UBASH3B: variants seen among roughly 807,000 people sequenced by gnomAD.
UBASH3B encodes the protein ubiquitin-associated and SH3 domain-containing protein B.
In UBASH3B, 37 loss-of-function variants were observed where a neutral mutation model predicts 83.4. The observed-to-expected ratio is 0.44, with a 90% CI of 0.34 to 0.58. The LOEUF (loss-of-function observed/expected upper bound fraction) is 0.58. Ranked by LOEUF, UBASH3B falls within the 20% of genes least tolerant of loss-of-function variation. UBASH3B has a pLI of 0.01. For synonymous variants in UBASH3B, 304 were observed against 318.3 expected, an observed-to-expected ratio of 0.96 and a Z score of 0.48; for missense variants, 657 against 827.2, an observed-to-expected ratio of 0.79 and a Z score of 2.52.
At chr11:122,675,516 A>G (rs1007137764) in intron 1 of UBASH3B, among the ~76,000 whole-genome samples, 6 of 152,214 alleles carry the variant, frequency 3.9e-5, no homozygotes, top group African/African-American at 1.4e-4. Context: ...ACCATGTGGC[A>G]TCATGAAATC....
intron 1 of UBASH3B, among the ~76,000 whole-genome samples, chr11:122,674,481 C>T (rs577948049): frequency 2.7e-5 from 4 of 150,492 alleles, no homozygotes; most frequent in South Asian, 2.1e-4. Flanking sequence ...CCCCGGTTCA[C>T]GCCATTCTCC....
Position 122,806,778 on chromosome 11 carries a change from G to A in UBASH3B, c.1702+262G>A, listed in dbSNP as rs1861347117. On this transcript the variant is annotated intron_variant, in intron 12 of 13. Transcript: ENST00000284273. This position sits in a 1 kb window ranked among gnomAD's most constrained non-coding sequence, Gnocchi z 4.0. ...TATAGCTATTCTTCTTGCACCCTGT[G>A]AAAGAGATTCCCTCTTATAATTTCC... Among the ~76,000 whole-genome samples, 1 of 152,130 alleles carries A rather than the reference G, an allele frequency of 6.6e-6. No homozygotes were observed. The highest frequency in any genetic ancestry group is 1.9e-4 in the East Asian group (1 of 5,192).
At chr11:122,783,941 C>CTT (rs35464960) in intron 5 of UBASH3B, among the ~76,000 whole-genome samples, 2 of 142,376 alleles carry the variant, frequency 1.4e-5, no homozygotes, top group Non-Finnish European at 3.1e-5. Context: ...ATAATATTGC[C>CTT]TTTTTTTTTT....
chr11:122,776,907 CTT>C, intron 2 of UBASH3B, 115 bp from the exon 3 acceptor site: 1 of 926,094 alleles, frequency 1.1e-6, no homozygotes, highest in East Asian at 2.9e-5. Flanking sequence ...AATGAAAACC[CTT>C]CCCCGCGCTG....
In UBASH3B at chr11:122,730,461, C is replaced by T. The variant is rs572708658; in HGVS notation, c.162-45758C>T. ...TTGCCAGACCATCTCTGTTTCAGGT[C>T]AGCCTCCTCAGACACCCAGAGAGGC... On this transcript the variant is annotated intron_variant, in intron 1 of 13. Coordinates refer to ENST00000284273, the MANE Select transcript of UBASH3B (RefSeq NM_032873.5). 2.3e-3 allele frequency among the ~76,000 whole-genome samples: 356 copies of T among 152,298 alleles called. 4 individuals carry two copies. The highest frequency in any genetic ancestry group is 0.022 in the South Asian group (105 of 4,828).
intron 1 of UBASH3B, among the ~76,000 whole-genome samples, chr11:122,695,076 G>C (rs945012445): frequency 1.4e-5 from 2 of 138,686 alleles, no homozygotes; most frequent in African/African-American, 5.4e-5. Flanking sequence ...CGATTCTCCT[G>C]TCTCAGCCTC....
chr11:122,676,891 CG>C (rs1270487865), intron 1 of UBASH3B, among the ~76,000 whole-genome samples: 1 of 152,180 alleles, frequency 6.6e-6, no homozygotes, highest in African/African-American at 2.4e-5. Context: ...TTATGAAAGC[CG>C]CCTTTATCAC....
intron 3 of UBASH3B, among the ~76,000 whole-genome samples, chr11:122,777,974 C>T (rs1342119845): frequency 6.6e-6 from 1 of 152,104 alleles, no homozygotes. Context: ...AAGTGATCCG[C>T]CCACCTCAGC....
chr11:122,717,750 T>C (rs1481304494), intron 1 of UBASH3B, among the ~76,000 whole-genome samples: 1 of 152,152 alleles, frequency 6.6e-6, no homozygotes, highest in Non-Finnish European at 1.5e-5. Flanking sequence ...GTGGCAGTTC[T>C]ATAACTCTGA....
intron 1 of UBASH3B, among the ~76,000 whole-genome samples, chr11:122,683,772 TGTGTGA>T (rs201349140): frequency 0.34 from 23,225 of 67,940 alleles, 2,173 homozygotes; most frequent in Non-Finnish European, 0.46. Flanking sequence ...TGTGTGTGTG[TGTGTGA>T]GCCAGGTTTC....
At chr11:122,739,668 C>T (rs1244298902) in intron 1 of UBASH3B, among the ~76,000 whole-genome samples, 2 of 152,194 alleles carry the variant, frequency 1.3e-5, no homozygotes, top group East Asian at 3.8e-4. Context: ...TGAAAAGTTT[C>T]CTTCCAAGTG....
intron 1 of UBASH3B, among the ~76,000 whole-genome samples, chr11:122,764,550 T>C (rs981955927): frequency 4.6e-5 from 7 of 152,242 alleles, no homozygotes; most frequent in African/African-American, 1.7e-4. Flanking sequence ...TTCCCCTCCT[T>C]GGCTTGCGCA....
chr11:122,664,244 A>G (rs969861997), intron 1 of UBASH3B, among the ~76,000 whole-genome samples: 16 of 152,178 alleles, frequency 1.1e-4, no homozygotes, highest in African/African-American at 3.9e-4. Flanking sequence ...GCTGCTGACT[A>G]TAATAAATGG....
intron 1 of UBASH3B, among the ~76,000 whole-genome samples, chr11:122,737,746 G>A (rs1361582785): frequency 6.6e-6 from 1 of 151,904 alleles, no homozygotes; most frequent in Non-Finnish European, 1.5e-5. Flanking sequence ...GAGGTTTAGT[G>A]CAAGCAAGAT....
rs1281855420 is a variant in UBASH3B at position 122,797,048 on chromosome 11, G to A, written c.1357+15G>A. 9 of 1,585,086 alleles carry A rather than the reference G, an allele frequency of 5.7e-6. No homozygotes were observed. The East Asian group carries it at 9.1e-5, about 16-fold the overall frequency. On this transcript the variant is annotated intron_variant, in intron 9 of 13. Coordinates refer to ENST00000284273, the MANE Select transcript of UBASH3B (RefSeq NM_032873.5). ...AAGACTAGTGGGTAAGTATCCTGGA[G>A]TGACTGCACTCCAGGCATTTCTTGC...
intron 11 of UBASH3B, among the ~76,000 whole-genome samples, chr11:122,802,471 T>C (rs1016836974): frequency 6.6e-6 from 1 of 152,172 alleles, no homozygotes; most frequent in Admixed American, 6.5e-5. Flanking sequence ...GCAGAGTTTG[T>C]AACAAGTGGT....
At chr11:122,795,987 T>C (rs996929070) in intron 7 of UBASH3B, among the ~76,000 whole-genome samples, 169 bp from the exon 8 acceptor site, 1 of 152,268 alleles carries the variant, frequency 6.6e-6, no homozygotes, top group African/African-American at 2.4e-5. Context: ...GTTTATCTTA[T>C]TCCAGCCTCC....
At chr11:122,731,936 A>G (rs1860850553) in intron 1 of UBASH3B, among the ~76,000 whole-genome samples, 1 of 152,134 alleles carries the variant, frequency 6.6e-6, no homozygotes, top group African/African-American at 2.4e-5. Flanking sequence ...TACAGAGTGA[A>G]GAGTTCTTAG....
intron 10 of UBASH3B, among the ~76,000 whole-genome samples, chr11:122,800,840 C>A (rs1443460093): frequency 6.6e-6 from 1 of 152,024 alleles, no homozygotes; most frequent in East Asian, 1.9e-4. Flanking sequence ...CTCTTGGACT[C>A]AAGTAATCTG....
Sources: allele counts gnomAD v4.1 joint callset (sites outside exome capture counted in the v4.1 genomes callset), GRCh38; gene constraint gnomAD v4.1.1; non-coding constraint Gnocchi (gnomAD v3.1); transcripts MANE v1.5; gene names NCBI Gene and HGNC (gene_info 2026-07-23, HGNC 2026-07-21).